The following ARSG variants were observed in gnomAD, a reference collection of about 807,000 sequenced individuals.
ARSG encodes ASG.
ARSG carries 37 observed loss-of-function variants against 50.5 expected under a neutral mutation model. That is an observed-to-expected ratio of 0.73 (90% CI 0.56 to 0.96). The LOEUF is 0.96. Ranked by LOEUF, ARSG falls within the 50% of genes least tolerant of loss-of-function variation. ARSG has a pLI of 0.00. For synonymous variants in ARSG, 225 were observed against 254.6 expected, an observed-to-expected ratio of 0.88 and a Z score of 1.11; for missense variants, 629 against 675.3, an observed-to-expected ratio of 0.93 and a Z score of 0.76.
intron 9 of ARSG, among the ~76,000 whole-genome samples, chr17:68,389,173 C>G (rs777189720): frequency 6.6e-6 from 1 of 152,092 alleles, no homozygotes; most frequent in African/African-American, 2.4e-5. Flanking sequence ...TTTCCAAGTC[C>G]TCTCCTCCTC....
chr17:68,421,506 C>T (rs2082770708), downstream of ARSG: 1 of 473,734 alleles, frequency 2.1e-6, no homozygotes, highest in Non-Finnish European at 3.8e-6. Flanking sequence ...GGTTATATAC[C>T]AATATGGTTA....
the ARSG span, among the ~76,000 whole-genome samples, chr17:68,431,790 A>AGAGCC: frequency 6.7e-6 from 1 of 150,008 alleles, no homozygotes; most frequent in Non-Finnish European, 1.5e-5. Context: ...GAGAACCCAG[A>AGAGCC]ACAGCTTGGA....
chr17:68,341,999 T>C (rs2078290066), intron 2 of ARSG, among the ~76,000 whole-genome samples: 2 of 151,946 alleles, frequency 1.3e-5, no homozygotes, highest in Admixed American at 6.6e-5. Flanking sequence ...TTTGTATTTT[T>C]TGTGGAGATG....
In ARSG at chr17:68,299,443, C is replaced by G. The variant is rs181629072; in HGVS notation, c.-551-7500C>G. On this transcript the variant is annotated intron_variant, in intron 1 of 11. Transcript: ENST00000621439. ...GTTGACACGTAAACCACTGATCAGG[C>G]TGAACATGACAAGGGGAAAGATATG... Among the ~76,000 whole-genome samples the G allele has an allele frequency of 2.0e-3, 305 of 151,790 alleles. 1 individual carries two copies. Among genetic ancestry groups the G allele is most frequent in the South Asian group, 5.4e-3 (26 of 4,810 alleles).
Position 68,297,494 on chromosome 17 carries a change from G to A in ARSG, c.-552+5926G>A, listed in dbSNP as rs543878086. ...CTATGGTGGCGTGTTTGTAGCTTCT[G>A]TCTTCTCTAGGTTCAGAAACCAGCA... On this transcript the variant is annotated intron_variant, in intron 1 of 11. Transcript: ENST00000621439. Among the ~76,000 whole-genome samples, 5 of 152,274 alleles carry A rather than the reference G, an allele frequency of 3.3e-5. No individual in the cohort carries two copies. In the South Asian group the frequency reaches 1.0e-3, roughly 32 times the overall value.
chr17:68,422,720 C>CTCTA (rs1332091399), downstream of ARSG: 1 of 107,236 alleles, frequency 9.3e-6, no homozygotes, highest in Non-Finnish European at 1.8e-5. Context: ...CAGAGTGAGA[C>CTCTA]TCTATCATCT....
chr17:68,379,424 T>TC (rs2146927685), intron 8 of ARSG, among the ~76,000 whole-genome samples: 1 of 108,140 alleles, frequency 9.2e-6, no homozygotes, highest in East Asian at 2.3e-4. Context: ...CACTACAATT[T>TC]TTTTTTTTTT....
intron 1 of ARSG, among the ~76,000 whole-genome samples, chr17:68,280,341 T>G (rs568100121): frequency 1.3e-5 from 2 of 152,080 alleles, no homozygotes; most frequent in Non-Finnish European, 2.9e-5. Flanking sequence ...AAAGCCATCC[T>G]GAAAAAAAGA....
At chr17:68,353,385 CA>C (rs2078889286) in intron 5 of ARSG, among the ~76,000 whole-genome samples, 1 of 152,078 alleles carries the variant, frequency 6.6e-6, no homozygotes, top group African/African-American at 2.4e-5. Flanking sequence ...ATATCACTTA[CA>C]TGCTTGGTAG....
At chr17:68,360,074 A>G (rs1384630997) in intron 6 of ARSG, among the ~76,000 whole-genome samples, 1 of 152,156 alleles carries the variant, frequency 6.6e-6, no homozygotes, top group African/African-American at 2.4e-5. Flanking sequence ...GGGCCGTTTA[A>G]TGCCCCCTCC....
chr17:68,377,066 C>T (rs1398155943), intron 8 of ARSG, among the ~76,000 whole-genome samples: 1 of 152,062 alleles, frequency 6.6e-6, no homozygotes, highest in Non-Finnish European at 1.5e-5. Context: ...TTCACCATGT[C>T]GGCCAGGCTG....
At chr17:68,402,603 C>T (rs1320518123) in intron 11 of ARSG, among the ~76,000 whole-genome samples, 2 of 152,170 alleles carry the variant, frequency 1.3e-5, no homozygotes, top group African/African-American at 4.8e-5. Context: ...TGGCTCACTG[C>T]AAGCTCTGCC....
At chr17:68,451,356 C>A in the ARSG span, among the ~76,000 whole-genome samples, 1 of 152,172 alleles carries the variant, frequency 6.6e-6, no homozygotes, top group African/African-American at 2.4e-5. Context: ...ATCACCTGAA[C>A]CCAGGAGGAA....
intron 4 of ARSG, among the ~76,000 whole-genome samples, chr17:68,348,079 G>GC (rs961211210): frequency 3.0e-4 from 46 of 152,224 alleles, no homozygotes; most frequent in African/African-American, 1.1e-3. Flanking sequence ...ATTGGCTGAC[G>GC]TCTTCTTCAA....
upstream of ARSG, among the ~76,000 whole-genome samples, chr17:68,287,814 A>G (rs1359800348): frequency 1.3e-5 from 2 of 152,204 alleles, no homozygotes; most frequent in Non-Finnish European, 2.9e-5. Context: ...TAATGCCTGT[A>G]TTTAAGTAAA....
chr17:68,412,099 TG>T (rs1233850124), intron 11 of ARSG, among the ~76,000 whole-genome samples: 2 of 152,272 alleles, frequency 1.3e-5, no homozygotes, highest in Non-Finnish European at 2.9e-5. Flanking sequence ...GTCTTTTAAT[TG>T]GAGCATTTAG....
intron 1 of ARSG, among the ~76,000 whole-genome samples, chr17:68,265,513 A>C (rs1288663798): frequency 6.6e-6 from 1 of 152,192 alleles, no homozygotes; most frequent in Non-Finnish European, 1.5e-5. Flanking sequence ...ACAACAATGA[A>C]AAAGTGTTAG....
At chr17:68,269,000 A>C (rs1555747435) in intron 1 of ARSG, 12 of 1,556,308 alleles carry the variant, frequency 7.7e-6, no homozygotes, top group Non-Finnish European at 7.8e-6. Context: ...TTGAAAGTGG[A>C]GTAGAGGGGT....
chr17:68,295,557 C>G (rs1555757861), intron 1 of ARSG, among the ~76,000 whole-genome samples: 1 of 151,866 alleles, frequency 6.6e-6, no homozygotes, highest in Non-Finnish European at 1.5e-5. Context: ...GAAAACAAAC[C>G]CAGGCTGAGT....
Sources: allele counts gnomAD v4.1 joint callset (sites outside exome capture counted in the v4.1 genomes callset), GRCh38; gene constraint gnomAD v4.1.1; transcripts MANE v1.5; gene names NCBI Gene and HGNC (gene_info 2026-07-23, HGNC 2026-07-21).